The following APBB2 variants were observed in gnomAD, a reference collection of about 807,000 sequenced individuals.
APBB2 encodes the protein amyloid beta precursor protein binding family B member 2, also known as Fe65-like 1.
APBB2 carries 38 observed loss-of-function variants against 82.5 expected under a neutral mutation model. That is an observed-to-expected ratio of 0.46 (90% CI 0.36 to 0.60). The LOEUF is 0.60. Ranked by LOEUF, APBB2 falls within the 20% of genes least tolerant of loss-of-function variation. The pLI, the probability that APBB2 is intolerant of heterozygous loss-of-function variation, is 0.00. For synonymous variants in APBB2, 341 were observed against 368.2 expected (o/e 0.93, Z 0.85); for missense variants, 772 against 972.3 (o/e 0.79, Z 2.74).
At chr4:40,992,197 G>C (rs1334909500) in intron 6 of APBB2, among the ~76,000 whole-genome samples, 1 of 152,100 alleles carries the variant, frequency 6.6e-6, no homozygotes, top group Non-Finnish European at 1.5e-5. Flanking sequence ...TTAAGAGACA[G>C]GGTCTCACTC....
chr4:41,125,737 T>C (rs1045177944), intron 2 of APBB2, among the ~76,000 whole-genome samples: 2 of 152,212 alleles, frequency 1.3e-5, no homozygotes, highest in African/African-American at 4.8e-5. Context: ...CAACTCCTAC[T>C]GTAAGTAACA....
At chr4:40,836,827 T>C (rs1754120197) in intron 12 of APBB2, among the ~76,000 whole-genome samples, 1 of 152,182 alleles carries the variant, frequency 6.6e-6, no homozygotes, top group South Asian at 2.1e-4. Flanking sequence ...ACAGAGTTCA[T>C]CCATCTCTCT....
At chr4:41,005,311 A>G (rs1196402179) in intron 6 of APBB2, among the ~76,000 whole-genome samples, 2 of 151,884 alleles carry the variant, frequency 1.3e-5, no homozygotes, top group African/African-American at 4.8e-5. Flanking sequence ...GATCGTCTCA[A>G]TCTCTTGATC....
intron 12 of APBB2, among the ~76,000 whole-genome samples, chr4:40,872,290 C>G (rs1184555260): frequency 6.6e-6 from 1 of 152,210 alleles, no homozygotes; most frequent in Non-Finnish European, 1.5e-5. Context: ...TGTTATAAGC[C>G]ACTGAGATTT....
At chr4:41,098,797 A>G (rs28496572) in intron 3 of APBB2, among the ~76,000 whole-genome samples, 1 of 152,220 alleles carries the variant, frequency 6.6e-6, no homozygotes, top group African/African-American at 2.4e-5. Flanking sequence ...TACATTTGCA[A>G]TCTAAACACC....
chr4:41,152,210 G>A (rs1762433104), intron 1 of APBB2, among the ~76,000 whole-genome samples: 1 of 151,512 alleles, frequency 6.6e-6, no homozygotes, highest in Non-Finnish European at 1.5e-5. Context: ...GTGATTACAT[G>A]TTTTCTTTCT....
At chr4:40,831,294 G>C (rs1253727137) in intron 12 of APBB2, among the ~76,000 whole-genome samples, 1 of 152,044 alleles carries the variant, frequency 6.6e-6, no homozygotes, top group Admixed American at 6.5e-5. Flanking sequence ...AGCAACTCTG[G>C]AGGCTGAGGC....
At position 40,810,192 on chromosome 4, in the gene APBB2, T is replaced by TGAA. The variant is rs1744136043; in HGVS notation, c.*5897_*5899dup. The TGAA allele has an allele frequency of 6.6e-6, 1 of 151,984 alleles. No individual in the cohort carries two copies. 9.4% of individuals were successfully genotyped at this position (151,984 alleles called of 1,614,324 possible). A position where few individuals can be genotyped will look rare whatever the true frequency, so the allele number is the denominator to read the frequency against. On this transcript the variant is annotated 3_prime_UTR_variant, in exon 18 of 18. Transcript: ENST00000508593. ...GATATTCTATTTTTACTTTCTTACTTGAAGTGAGAAAAGAGAATGGTGAAT... is the reference window on the plus strand; with the variant it reads ...GATATTCTATTTTTACTTTCTTACTTGAAGAAGTGAGAAAAGAGAATGGTGAAT...
intron 12 of APBB2, among the ~76,000 whole-genome samples, chr4:40,885,514 G>T (rs1056032776): frequency 2.6e-5 from 4 of 152,088 alleles, no homozygotes; most frequent in African/African-American, 7.2e-5. Flanking sequence ...ACCCGATCTC[G>T]CAAGACTGTT....
chr4:40,903,890 T>C (rs1382555439), intron 10 of APBB2, among the ~76,000 whole-genome samples: 2 of 152,226 alleles, frequency 1.3e-5, no homozygotes, highest in South Asian at 2.1e-4. Context: ...TCCTGCTATA[T>C]GTGACTATGA....
chr4:41,168,817 A>G (rs1030864097), intron 1 of APBB2, among the ~76,000 whole-genome samples: 10 of 152,138 alleles, frequency 6.6e-5, no homozygotes, highest in African/African-American at 1.7e-4. Flanking sequence ...AAAGTTTTCT[A>G]CCTGATACAG....
intron 15 of APBB2, among the ~76,000 whole-genome samples, chr4:40,824,672 G>A (rs899337884): frequency 6.6e-6 from 1 of 151,914 alleles, no homozygotes; most frequent in African/African-American, 2.4e-5. Flanking sequence ...AATTTTTTTT[G>A]TAGAGATGAG....
rs552098320 is a variant in APBB2 at position 41,180,555 on chromosome 4, G to T, written c.-417+33850C>A. Reference sequence around the variant, plus strand: ...GGGGGGGCAGAGGGAGGGTGAGGCTGGAGGATCACTTGAGCCCAGGAGGTC... The same window carrying T: ...GGGGGGGCAGAGGGAGGGTGAGGCTTGAGGATCACTTGAGCCCAGGAGGTC... On this transcript the variant is annotated intron_variant, in intron 1 of 17. Transcript: ENST00000508593. 5.3e-5 allele frequency among the ~76,000 whole-genome samples: 8 copies of T among 152,256 alleles called. No homozygotes were observed. In the South Asian group the frequency reaches 1.7e-3, roughly 32 times the overall value.
intron 12 of APBB2, among the ~76,000 whole-genome samples, chr4:40,855,028 A>G (rs1449397588): frequency 6.6e-6 from 1 of 152,166 alleles, no homozygotes; most frequent in African/African-American, 2.4e-5. Flanking sequence ...AAGATGACCG[A>G]CTTTAGTGCC....
At chr4:41,029,471 G>A (rs1414814088) in intron 5 of APBB2, among the ~76,000 whole-genome samples, 3 of 152,168 alleles carry the variant, frequency 2.0e-5, no homozygotes, top group African/African-American at 7.2e-5. Context: ...GATGCAGAGT[G>A]TCAGATACAA....
At chr4:41,089,112 A>G (rs1476862948) in intron 3 of APBB2, among the ~76,000 whole-genome samples, 3 of 152,310 alleles carry the variant, frequency 2.0e-5, no homozygotes, top group African/African-American at 7.2e-5. Flanking sequence ...ATTTCTGGAC[A>G]TTGACAACCG....
At chr4:40,861,462 G>A (rs1424293983) in intron 12 of APBB2, among the ~76,000 whole-genome samples, 1 of 152,172 alleles carries the variant, frequency 6.6e-6, no homozygotes, top group Non-Finnish European at 1.5e-5. Flanking sequence ...AGGAGTTTGA[G>A]GCTGCAGAGA....
chr4:41,115,287 T>C (rs758059428), intron 2 of APBB2, among the ~76,000 whole-genome samples: 32 of 152,182 alleles, frequency 2.1e-4, no homozygotes, highest in Non-Finnish European at 4.1e-4. Flanking sequence ...AAACTGAAAC[T>C]GGACCCTCTC....
chr4:40,970,768 G>A (rs78111758), intron 6 of APBB2, among the ~76,000 whole-genome samples: 2,219 of 152,196 alleles, frequency 0.015, 29 homozygotes, highest in Non-Finnish European at 0.02. Context: ...GTAACCCACT[G>A]CCCTCGTTTC....
Sources: gnomAD v4.1 joint callset for allele counts (sites outside exome capture counted in the v4.1 genomes callset) on GRCh38, gnomAD v4.1.1 for gene constraint, MANE v1.5 for transcripts, NCBI Gene and HGNC (gene_info 2026-07-23, HGNC 2026-07-21) for gene names.